XKR9: variants seen among roughly 807,000 people sequenced by gnomAD.
XKR9 encodes the protein XK related 9.
In XKR9, 32 loss-of-function variants were observed where a neutral mutation model predicts 32.0. The ratio of observed to expected loss-of-function variants is 1.00; its 90% CI spans 0.76 to 1.34. The LOEUF is 1.34. Ranked by LOEUF, XKR9 falls within the 40% of genes most tolerant of loss-of-function variation. The pLI, the probability that XKR9 is intolerant of heterozygous loss-of-function variation, is 0.00. For synonymous variants in XKR9, 168 were observed against 143.4 expected (o/e 1.17, Z -1.22); for missense variants, 546 against 429.7 (o/e 1.27, Z -2.39).
intron 3 of XKR9, among the ~76,000 whole-genome samples, chr8:70,694,105 C>A (rs1430224831): frequency 7.7e-6 from 1 of 130,196 alleles, no homozygotes; most frequent in Non-Finnish European, 1.6e-5. Context: ...GTCCTAGACA[C>A]CTCAAATTTT....
chr8:70,807,708 G>T, the XKR9 span, among the ~76,000 whole-genome samples: 1 of 152,134 alleles, frequency 6.6e-6, no homozygotes, highest in Non-Finnish European at 1.5e-5. Flanking sequence ...AACAAGAAGA[G>T]CTAACTATTC....
At chr8:71,014,500 T>C in the XKR9 span, among the ~76,000 whole-genome samples, 1 of 152,198 alleles carries the variant, frequency 6.6e-6, no homozygotes, top group South Asian at 2.1e-4. Context: ...GTCATCTTCA[T>C]ATGGCTTCTC....
At chr8:70,953,039 C>T in the XKR9 span, among the ~76,000 whole-genome samples, 13 of 152,310 alleles carry the variant, frequency 8.5e-5, no homozygotes, top group South Asian at 8.3e-4. Flanking sequence ...GCATTCTAGA[C>T]GTGCAGGAGG....
the XKR9 span, among the ~76,000 whole-genome samples, chr8:70,948,612 A>G: frequency 9.9e-5 from 15 of 152,146 alleles, no homozygotes; most frequent in South Asian, 4.1e-4. Context: ...CTCTTTGTCT[A>G]CCGTCTCCTA....
chr8:70,696,147 A>T (rs1181364022), intron 3 of XKR9, among the ~76,000 whole-genome samples: 1 of 151,486 alleles, frequency 6.6e-6, no homozygotes, highest in Admixed American at 6.6e-5. Flanking sequence ...GTTCACTCTG[A>T]TGGTAGTTTC....
chr8:70,976,804 T>G, the XKR9 span, among the ~76,000 whole-genome samples: 2 of 152,242 alleles, frequency 1.3e-5, no homozygotes, highest in Non-Finnish European at 2.9e-5. Flanking sequence ...GACCAGCTCC[T>G]GTTTGTACCT....
chr8:70,742,462 A>T lies in XKR9; in HGVS notation n.352+35309A>T, dbSNP rs548403899. Among the ~76,000 whole-genome samples, 4 of 152,352 alleles carry T rather than the reference A, an allele frequency of 2.6e-5. No individual in the cohort carries two copies. The South Asian group carries it at 6.2e-4, about 24-fold the overall frequency. Reference sequence around the variant, plus strand: ...TCTTTGAGTAATAAAGGGCCTAAAGACTTTGAATCATAAAGTGAAAGTGTT... The same window carrying T: ...TCTTTGAGTAATAAAGGGCCTAAAGTCTTTGAATCATAAAGTGAAAGTGTT... On this transcript the variant is annotated intron_variant and non_coding_transcript_variant, in intron 2 of 3. Coordinates refer to the XKR9 transcript ENST00000520273.
downstream of XKR9, among the ~76,000 whole-genome samples, chr8:70,736,315 G>T (rs528119689): frequency 7.6e-6 from 1 of 131,656 alleles, no homozygotes; most frequent in Non-Finnish European, 1.8e-5. Context: ...TGATGGGGTT[G>T]TTTGTTTTTT....
intron 4 of XKR9, among the ~76,000 whole-genome samples, chr8:70,731,051 G>T (rs753122532): frequency 2.6e-5 from 4 of 152,176 alleles, no homozygotes; most frequent in Non-Finnish European, 4.4e-5. Flanking sequence ...TAACTGACCA[G>T]CCTGCTAGGC....
chr8:70,911,124 A>G, the XKR9 span, among the ~76,000 whole-genome samples: 1 of 152,332 alleles, frequency 6.6e-6, no homozygotes, highest in African/African-American at 2.4e-5. Context: ...ACATGTCTGC[A>G]GTGTCTCTTC....
At chr8:70,885,830 T>C in the XKR9 span, among the ~76,000 whole-genome samples, 1 of 152,160 alleles carries the variant, frequency 6.6e-6, no homozygotes, top group Non-Finnish European at 1.5e-5. Context: ...TCTCCTGACT[T>C]CATGATATGC....
the XKR9 span, among the ~76,000 whole-genome samples, chr8:71,014,824 A>G: frequency 6.6e-6 from 1 of 152,180 alleles, no homozygotes; most frequent in African/African-American, 2.4e-5. Context: ...AGAATGGTTC[A>G]GGGGCATTAC....
chr8:70,860,703 C>T, the XKR9 span, among the ~76,000 whole-genome samples: 1 of 151,496 alleles, frequency 6.6e-6, no homozygotes, highest in African/African-American at 2.4e-5. Flanking sequence ...CACCCTTCTC[C>T]TGCTTGTTTA....
chr8:70,811,490 A>G, the XKR9 span, among the ~76,000 whole-genome samples: 10 of 152,212 alleles, frequency 6.6e-5, no homozygotes, highest in African/African-American at 2.4e-4. Flanking sequence ...CAAAAAATTA[A>G]TGAATCCAGG....
chr8:70,844,668 A>T, the XKR9 span, among the ~76,000 whole-genome samples: 1 of 152,126 alleles, frequency 6.6e-6, no homozygotes, highest in African/African-American at 2.4e-5. Flanking sequence ...GGATTGCCCC[A>T]TCCTGTTCAC....
the XKR9 span, among the ~76,000 whole-genome samples, chr8:70,858,066 T>G: frequency 6.6e-6 from 1 of 152,194 alleles, no homozygotes; most frequent in African/African-American, 2.4e-5. Context: ...AAGACAGGGA[T>G]GCCCTCTCTC....
At chr8:70,688,425 T>A (rs1819382911) in intron 3 of XKR9, among the ~76,000 whole-genome samples, 1 of 152,134 alleles carries the variant, frequency 6.6e-6, no homozygotes, top group African/African-American at 2.4e-5. Flanking sequence ...GGCCACATTT[T>A]TTTTTTTTTG....
At chr8:70,750,010 G>A (rs1037046052) in intron 2 of XKR9, among the ~76,000 whole-genome samples, 4 of 151,690 alleles carry the variant, frequency 2.6e-5, no homozygotes, top group Non-Finnish European at 5.9e-5. Context: ...GTATAAATGC[G>A]TGTGTGTGTG....
At chr8:71,028,726 G>A in the XKR9 span, among the ~76,000 whole-genome samples, 7 of 151,996 alleles carry the variant, frequency 4.6e-5, no homozygotes, top group Non-Finnish European at 7.4e-5. Flanking sequence ...TACCCTGTAA[G>A]TATATACAAT....
Sources: allele counts gnomAD v4.1 joint callset (sites outside exome capture counted in the v4.1 genomes callset), GRCh38; gene constraint gnomAD v4.1.1; transcripts MANE v1.5; gene names NCBI Gene and HGNC (gene_info 2026-07-23, HGNC 2026-07-21).